DYNC1I1: variants seen among roughly 807,000 people sequenced by gnomAD.
DYNC1I1 encodes the protein dynein cytoplasmic 1 intermediate chain 1.
In DYNC1I1, 43 loss-of-function variants were observed where a neutral mutation model predicts 86.6. The ratio of observed to expected loss-of-function variants is 0.50; its 90% confidence interval spans 0.39 to 0.64. The LOEUF is 0.64. DYNC1I1 is among the 30% of genes least tolerant of loss of function. The pLI, the probability that DYNC1I1 is intolerant of heterozygous loss-of-function variation, is 0.00. For missense variants in DYNC1I1, 604 were observed against 788.8 expected (o/e 0.77, Z 2.81); for synonymous variants, 262 against 283.7 (o/e 0.92, Z 0.77).
At chr7:95,881,223 C>T (rs1194291760) in intron 6 of DYNC1I1, among the ~76,000 whole-genome samples, 1 of 152,152 alleles carries the variant, frequency 6.6e-6, no homozygotes, top group Non-Finnish European at 1.5e-5. Context: ...GCAATAAAGT[C>T]ACCTTGATGC....
chr7:95,829,939 A>G (rs1795285272), intron 5 of DYNC1I1, among the ~76,000 whole-genome samples: 1 of 152,080 alleles, frequency 6.6e-6, no homozygotes, highest in South Asian at 2.1e-4. Flanking sequence ...TGCCCACTGT[A>G]GGTATAAAAG....
intron 5 of DYNC1I1, 91 bp from the exon 6 acceptor site, chr7:95,869,792 T>C: frequency 8.2e-7 from 1 of 1,212,732 alleles, no homozygotes. Flanking sequence ...GTATTTGTGG[T>C]TTGTTTGTTT....
intron 16 of DYNC1I1, among the ~76,000 whole-genome samples, chr7:96,080,885 C>G (rs371520112): frequency 2.0e-5 from 3 of 151,898 alleles, no homozygotes; most frequent in African/African-American, 7.3e-5. Flanking sequence ...GGCTGGCCAA[C>G]GTAGTGAAAT....
intron 16 of DYNC1I1, among the ~76,000 whole-genome samples, chr7:96,107,779 G>T (rs1791239372): frequency 6.6e-6 from 1 of 151,780 alleles, no homozygotes; most frequent in Non-Finnish European, 1.5e-5. Flanking sequence ...ACCTGCCTCG[G>T]CCTCCCAAAG....
Position 95,942,046 on chromosome 7 carries a change from A to G in DYNC1I1, c.491-35466A>G, listed in dbSNP as rs537361594. Among the ~76,000 whole-genome samples, 4 of 152,316 alleles carry G rather than the reference A, an allele frequency of 2.6e-5. No individual in the cohort carries two copies. The South Asian group carries it at 8.3e-4, about 32-fold the overall frequency. ...CAGAGCAGAACTGAAGGAAATAGAG[A>G]CACAAAAAACCCTTCAAAGAATTAA... On this transcript the variant is annotated intron_variant, in intron 6 of 16. Coordinates refer to ENST00000447467, the MANE Select transcript of DYNC1I1 (RefSeq NM_001135556.2).
chr7:95,888,177 C>G (rs1467366570), intron 6 of DYNC1I1, among the ~76,000 whole-genome samples: 1 of 152,138 alleles, frequency 6.6e-6, no homozygotes, highest in African/African-American at 2.4e-5. Context: ...CGGCTCACAC[C>G]TGTAATCCAA....
At position 95,962,415 on chromosome 7, in the gene DYNC1I1, T is replaced by A. The variant is rs942259125; in HGVS notation, c.491-15097T>A. Among the ~76,000 whole-genome samples the A allele has an allele frequency of 5.3e-5, 8 of 152,344 alleles. No homozygotes were observed. In the South Asian group the frequency reaches 8.3e-4, roughly 16 times the overall value. ...ACTAAATAATAGCTGCTTCTGTGGG[T>A]CTTTCTAGCCCTTTGTTTCTGTGAT... On this transcript the variant is annotated intron_variant, in intron 6 of 16. Transcript: ENST00000447467.
intron 6 of DYNC1I1, among the ~76,000 whole-genome samples, chr7:95,914,003 G>A (rs776523176): frequency 1.3e-5 from 2 of 152,174 alleles, no homozygotes; most frequent in Non-Finnish European, 2.9e-5. Context: ...TTGTGCATTT[G>A]ATCTGTTTGC....
chr7:95,894,654 TA>T (rs969799661), intron 6 of DYNC1I1, among the ~76,000 whole-genome samples: 13 of 152,328 alleles, frequency 8.5e-5, no homozygotes, highest in Non-Finnish European at 1.9e-4. Context: ...CTTTATTAAT[TA>T]AAATAGGAAC....
intron 7 of DYNC1I1, among the ~76,000 whole-genome samples, chr7:95,977,989 T>C (rs949971019): frequency 2.6e-5 from 4 of 152,206 alleles, no homozygotes; most frequent in African/African-American, 9.6e-5. Context: ...GTGATCTACA[T>C]AGAAACATTA....
chr7:95,916,854 T>C (rs1464649968), intron 6 of DYNC1I1, among the ~76,000 whole-genome samples: 1 of 152,188 alleles, frequency 6.6e-6, no homozygotes, highest in Non-Finnish European at 1.5e-5. Flanking sequence ...CTTAATTCAG[T>C]CAAAGCAATC....
chr7:95,883,785 A>G (rs1450022226), intron 6 of DYNC1I1, among the ~76,000 whole-genome samples: 3 of 152,192 alleles, frequency 2.0e-5, no homozygotes, highest in South Asian at 4.1e-4. Flanking sequence ...AAAAAAGACC[A>G]CTGTGGAACT....
At chr7:96,078,040 T>C (rs896715310) in intron 15 of DYNC1I1, among the ~76,000 whole-genome samples, 33 of 152,196 alleles carry the variant, frequency 2.2e-4, no homozygotes, top group Non-Finnish European at 4.4e-5. Context: ...CCGAACACTT[T>C]TTAAAACCTT....
intron 6 of DYNC1I1, among the ~76,000 whole-genome samples, chr7:95,870,983 A>G (rs1400986864): frequency 6.6e-6 from 1 of 152,210 alleles, no homozygotes; most frequent in Admixed American, 6.5e-5. Context: ...CTATGTAGTA[A>G]GTATGGACAA....
chr7:96,009,848 C>T (rs1423177469), intron 10 of DYNC1I1, among the ~76,000 whole-genome samples: 1 of 151,660 alleles, frequency 6.6e-6, no homozygotes, highest in Non-Finnish European at 1.5e-5. Flanking sequence ...GGCACGATCT[C>T]GGCTCACCAC....
intron 1 of DYNC1I1, among the ~76,000 whole-genome samples, chr7:95,783,879 A>T (rs1427187483): frequency 6.6e-6 from 1 of 152,260 alleles, no homozygotes; most frequent in African/African-American, 2.4e-5. Context: ...TCTGTAAAAC[A>T]GGATTCATAA....
chr7:95,891,931 A>G (rs553798289), intron 6 of DYNC1I1, among the ~76,000 whole-genome samples: 2 of 151,572 alleles, frequency 1.3e-5, no homozygotes, highest in East Asian at 3.9e-4. Flanking sequence ...TACACAGTAC[A>G]TGTTAGTTGT....
chr7:96,033,632 A>G (rs904640601), intron 12 of DYNC1I1, among the ~76,000 whole-genome samples: 9 of 152,234 alleles, frequency 5.9e-5, no homozygotes, highest in South Asian at 2.1e-4. Context: ...ATAATTCTCA[A>G]TGTTAACATT....
intron 5 of DYNC1I1, among the ~76,000 whole-genome samples, chr7:95,845,276 T>C (rs1789395398): frequency 6.6e-6 from 1 of 152,190 alleles, no homozygotes; most frequent in East Asian, 1.9e-4. Context: ...CTGTCAAGAA[T>C]AGAAGTAAAA....
Sources: gnomAD v4.1 joint callset for allele counts (sites outside exome capture counted in the v4.1 genomes callset) on GRCh38, gnomAD v4.1.1 for gene constraint, MANE v1.5 for transcripts, NCBI Gene and HGNC (gene_info 2026-07-23, HGNC 2026-07-21) for gene names.